The following PCDHGA8 variants were observed in gnomAD, a reference collection of about 807,000 sequenced individuals.
The protein encoded by PCDHGA8 is protocadherin gamma subfamily A, 8, also known as protocadherin gamma-A8.
Under a neutral mutation model 59.2 loss-of-function variants are expected in PCDHGA8, and 45 were observed. That is an observed-to-expected ratio of 0.76 (90% CI 0.60 to 0.98). The LOEUF (loss-of-function observed/expected upper bound fraction) is 0.98, where lower values mean the gene tolerates loss of function less well. PCDHGA8 is among the 50% of genes least tolerant of loss of function. PCDHGA8 has a pLI of 0.00. For missense variants in PCDHGA8, 1,257 were observed against 1,196.2 expected (o/e 1.05, Z -0.75); for synonymous variants, 531 against 519.0 (o/e 1.02, Z -0.32).
At chr5:141,409,587 C>G (rs13184186) in intron 1 of PCDHGA8, 1 of 1,613,902 alleles carries the variant, frequency 6.2e-7, no homozygotes, top group Non-Finnish European at 8.5e-7. Context: ...GTCCACGTGG[C>G]CGAGAACAAC....
At chr5:141,436,829 G>C (rs1194891483) in intron 1 of PCDHGA8, among the ~76,000 whole-genome samples, 3 of 152,214 alleles carry the variant, frequency 2.0e-5, no homozygotes, top group African/African-American at 7.2e-5. Flanking sequence ...AAAATCTTAA[G>C]TGCCTAGGCA....
chr5:141,456,122 C>A (rs1411002229), intron 1 of PCDHGA8, among the ~76,000 whole-genome samples: 1 of 152,176 alleles, frequency 6.6e-6, no homozygotes, highest in East Asian at 1.9e-4. Context: ...TGGTCTCCAT[C>A]TCCTGACCTC....
chr5:141,404,490 T>G lies in PCDHGA8; in HGVS notation c.2424+9253T>G, dbSNP rs748668164. On this transcript the variant is annotated intron_variant, in intron 1 of 3. Transcript: ENST00000398604. Reference sequence around the variant, plus strand: ...GTCTCTATTAACTCAGACACTGGTGTGCTGTATGCTCTGTGCTCCTTTGAC... The same window carrying G: ...GTCTCTATTAACTCAGACACTGGTGGGCTGTATGCTCTGTGCTCCTTTGAC... 10 of 1,613,632 alleles carry G rather than the reference T, an allele frequency of 6.2e-6. No homozygotes were observed. The Admixed American group carries it at 1.2e-4, about 19-fold the overall frequency.
chr5:141,396,727 G>T (rs2093426642), intron 1 of PCDHGA8: 1 of 152,114 alleles, frequency 6.6e-6, no homozygotes, highest in Non-Finnish European at 1.5e-5. Flanking sequence ...TACCTGAATT[G>T]ATTGTTGTAA....
chr5:141,491,409 G>C lies in PCDHGA8; in HGVS notation c.2425-3398G>C, dbSNP rs2099711927. 6.2e-7 allele frequency: 1 copy of C among 1,614,000 alleles called. No homozygotes were observed. Among genetic ancestry groups the C allele is most frequent in the Non-Finnish European group, 8.5e-7 (1 of 1,180,022 alleles). The stretch of plus-strand genomic sequence containing the variant: ...AGTGCCTTCAGGGAAACGCAGACGG[G>C]GACGGGGGTGGAGGGCAGTGCTGCA... On this transcript the variant is annotated intron_variant, in intron 1 of 3. Coordinates refer to ENST00000398604, the MANE Select transcript of PCDHGA8 (RefSeq NM_032088.2). This position sits in a 1 kb window ranked among gnomAD's most constrained non-coding sequence, Gnocchi z 6.9.
chr5:141,397,047 G>A (rs180929307), intron 1 of PCDHGA8, among the ~76,000 whole-genome samples: 130 of 152,158 alleles, frequency 8.5e-4, no homozygotes, highest in African/African-American at 2.9e-3. Context: ...TTATGTAAAT[G>A]AACTTATGAG....
chr5:141,404,485 T>C (rs780359921), intron 1 of PCDHGA8: 2 of 1,613,490 alleles, frequency 1.2e-6, no homozygotes, highest in Admixed American at 1.7e-5. Context: ...ACTCAGACAC[T>C]GGTGTGCTGT....
Position 141,394,297 on chromosome 5 carries a change from C to A in PCDHGA8, c.1484C>A (p.Thr495Lys), listed in dbSNP as rs375160983. 6.2e-7 allele frequency: 1 copy of A among 1,613,990 alleles called. No individual in the cohort carries two copies. The highest frequency in any genetic ancestry group is 8.5e-7 in the Non-Finnish European group (1 of 1,179,886). Residue 495 changes from threonine to lysine, a missense_variant, in exon 1 of 4, where the codon ACG becomes AAG. Thr to Lys is a moderately conservative substitution (Grantham distance 78). Transcript: ENST00000398604. ...AQVTYSVTED[T>K]LQGAPLSSYI... ...GTCACTTACTCTGTGACCGAGGACA[C>A]GCTGCAGGGGGCGCCCCTGTCCTCG...
intron 1 of PCDHGA8, among the ~76,000 whole-genome samples, chr5:141,484,322 T>C (rs2099594801): frequency 6.6e-6 from 1 of 152,214 alleles, no homozygotes; most frequent in Non-Finnish European, 1.5e-5. Flanking sequence ...TTCCATACTG[T>C]CCTTGAAATC....
chr5:141,408,972 C>T, intron 1 of PCDHGA8: 8 of 1,613,870 alleles, frequency 5.0e-6, no homozygotes, highest in Non-Finnish European at 5.9e-6. Flanking sequence ...AATCTGCCCC[C>T]TGGGTCCCCT....
At position 141,505,629 on chromosome 5, in the gene PCDHGA8, C is replaced by T. The variant is rs1475582931; in HGVS notation, c.2572+148C>T. 7.4e-6 allele frequency: 11 copies of T among 1,482,192 alleles called. No individual in the cohort carries two copies. The African/African-American group carries it at 9.8e-5, about 13-fold the overall frequency. The allele number at this position is 1,482,192 out of a possible 1,614,324, so 91.8% of individuals were successfully genotyped here. ...GTCTGAAAGGACCCACAATTCCAAACATAAAGCCTGGAATTGTGGCTAAGG... is the reference window on the plus strand; with the variant it reads ...GTCTGAAAGGACCCACAATTCCAAATATAAAGCCTGGAATTGTGGCTAAGG... On this transcript the variant is annotated intron_variant, in intron 3 of 3. Coordinates refer to ENST00000398604, the MANE Select transcript of PCDHGA8 (RefSeq NM_032088.2).
chr5:141,419,435 C>T, intron 1 of PCDHGA8: 1 of 1,613,226 alleles, frequency 6.2e-7, no homozygotes, highest in Non-Finnish European at 8.5e-7. Context: ...CGAGCAGCTG[C>T]GCACCTTCGA....
At position 141,394,057 on chromosome 5, in the gene PCDHGA8, T is replaced by C. The variant is rs1318938543; in HGVS notation, c.1244T>C (p.Val415Ala). ...VTRKYLDREN[V>A]SIYNITVMAS... ...AGGAAATATTTGGACCGAGAAAATG[T>C]CTCTATCTACAATATCACAGTGATG... Residue 415 changes from valine (V) to alanine (A), a missense_variant, in exon 1 of 4, where the codon GTC becomes GCC. Coordinates refer to ENST00000398604, the MANE Select transcript of PCDHGA8 (RefSeq NM_032088.2). 6.2e-7 allele frequency: 1 copy of C among 1,613,750 alleles called. No individual in the cohort carries two copies. The highest frequency in any genetic ancestry group is 2.2e-5 in the East Asian group (1 of 44,882).
At chr5:141,421,702 A>G (rs2096594027) in intron 1 of PCDHGA8, 1 of 1,613,950 alleles carries the variant, frequency 6.2e-7, no homozygotes, top group Non-Finnish European at 8.5e-7. Context: ...TCCTAATGCT[A>G]GGGATCCAGA....
At chr5:141,402,796 A>C in intron 1 of PCDHGA8, 1 of 1,040,680 alleles carries the variant, frequency 9.6e-7, no homozygotes, top group South Asian at 2.0e-5. Flanking sequence ...GGCTACACAA[A>C]ACCCGGCAGA....
rs776293224 is a variant in PCDHGA8, at chr5:141,477,889, A to G, written c.2425-16918A>G. Reference sequence around the variant, plus strand: ...GTACCTCAGCTGGCCACCTAGTGTCACGGGTGGTAGGCTGGGACGCGGATG... The same window carrying G: ...GTACCTCAGCTGGCCACCTAGTGTCGCGGGTGGTAGGCTGGGACGCGGATG... On this transcript the variant is annotated intron_variant, in intron 1 of 3. Coordinates refer to ENST00000398604, the MANE Select transcript of PCDHGA8 (RefSeq NM_032088.2). This position sits in a 1 kb window ranked among gnomAD's most constrained non-coding sequence, Gnocchi z 4.9. The G allele has an allele frequency of 1.8e-5, 29 of 1,614,034 alleles. No individual in the cohort carries two copies. Among genetic ancestry groups the G allele is most frequent in the Non-Finnish European group, 2.5e-5 (29 of 1,180,026 alleles).
At chr5:141,427,982 G>A in intron 1 of PCDHGA8, 1 of 1,596,754 alleles carries the variant, frequency 6.3e-7, no homozygotes, top group Non-Finnish European at 8.6e-7. Flanking sequence ...CCGCGCTGGG[G>A]CCCGATGGCT....
chr5:141,484,375 G>C (rs188702244), intron 1 of PCDHGA8, among the ~76,000 whole-genome samples: 2 of 152,258 alleles, frequency 1.3e-5, no homozygotes, highest in African/African-American at 4.8e-5. Flanking sequence ...ACTAGCAAAT[G>C]TCTGAATAAG....
chr5:141,415,605 G>GGT, intron 1 of PCDHGA8: 1 of 1,613,122 alleles, frequency 6.2e-7, no homozygotes. Context: ...ATACCCCATT[G>GGT]GTTCCAGTGA....
Sources: allele counts gnomAD v4.1 joint callset (sites outside exome capture counted in the v4.1 genomes callset), GRCh38; gene constraint gnomAD v4.1.1; non-coding constraint Gnocchi (gnomAD v3.1); transcripts MANE v1.5; gene names NCBI Gene and HGNC (gene_info 2026-07-23, HGNC 2026-07-21).